Variants in SMARCC1 observed in about 807,000 individuals in gnomAD.
The protein encoded by SMARCC1 is SWI/SNF complex subunit SMARCC1.
In SMARCC1, 43 loss-of-function variants were observed where a neutral mutation model predicts 147.4. The ratio of observed to expected loss-of-function variants is 0.29; its 90% CI spans 0.23 to 0.38. SMARCC1 has a LOEUF of 0.38. Ranked by LOEUF, SMARCC1 falls within the 10% of genes least tolerant of loss-of-function variation. The probability of loss-of-function intolerance (pLI) is 1.00; values close to 1 mark genes in which losing one functional copy is unlikely to be tolerated. For synonymous variants in SMARCC1, 495 were observed against 484.4 expected, an observed-to-expected ratio of 1.02 and a Z score of -0.29; for missense variants, 1,119 against 1,381.1, an observed-to-expected ratio of 0.81 and a Z score of 3.01.
intron 27 of SMARCC1, among the ~76,000 whole-genome samples, chr3:47,588,713 C>G (rs1335681562): frequency 1.5e-4 from 18 of 120,450 alleles, no homozygotes; most frequent in Non-Finnish European, 2.2e-4. Context: ...GCCCCCCCCC[C>G]GCCCCCACAG....
chr3:47,646,886 GCCA>G (rs2033126740), intron 21 of SMARCC1, among the ~76,000 whole-genome samples: 1 of 152,090 alleles, frequency 6.6e-6, no homozygotes, highest in Non-Finnish European at 1.5e-5. Context: ...TCCAGAATAT[GCCA>G]CCTACCTTCA....
At chr3:47,688,589 C>G in intron 13 of SMARCC1, among the ~76,000 whole-genome samples, 1 of 152,032 alleles carries the variant, frequency 6.6e-6, no homozygotes, top group Non-Finnish European at 1.5e-5. Context: ...TAAATCCTAC[C>G]TTAAATCTAA....
At chr3:47,616,899 T>C (rs1196505075) in intron 25 of SMARCC1, among the ~76,000 whole-genome samples, 1 of 152,208 alleles carries the variant, frequency 6.6e-6, no homozygotes, top group Non-Finnish European at 1.5e-5. Context: ...CCAAACGTTC[T>C]ATTTAAAAAA....
intron 13 of SMARCC1, among the ~76,000 whole-genome samples, chr3:47,688,436 T>G (rs2033755183): frequency 6.6e-6 from 1 of 151,476 alleles, no homozygotes; most frequent in Non-Finnish European, 1.5e-5. Flanking sequence ...ATGATAAGGA[T>G]CATCTTAGGG....
At chr3:47,603,768 G>A (rs1001444758) in intron 26 of SMARCC1, 1 of 298,714 alleles carries the variant, frequency 3.3e-6, no homozygotes, top group African/African-American at 2.2e-5. Flanking sequence ...AAAACCTAAA[G>A]GTGGTCTAAG....
At chr3:47,679,292 T>G (rs1247932871) in intron 15 of SMARCC1, among the ~76,000 whole-genome samples, 1 of 151,898 alleles carries the variant, frequency 6.6e-6, no homozygotes, top group Non-Finnish European at 1.5e-5. Context: ...AGATATGTAC[T>G]TATATATAGG....
At chr3:47,766,082 G>A (rs886865070) in intron 2 of SMARCC1, among the ~76,000 whole-genome samples, 11 of 151,926 alleles carry the variant, frequency 7.2e-5, no homozygotes, top group Admixed American at 6.6e-4. Context: ...TGGGCATAAG[G>A]GTACATGTTC....
At chr3:47,674,725 A>G (rs2033547941) in intron 18 of SMARCC1, among the ~76,000 whole-genome samples, 1 of 152,098 alleles carries the variant, frequency 6.6e-6, no homozygotes, top group South Asian at 2.1e-4. Context: ...CTGGCCTCCC[A>G]AAGTGTTGAG....
intron 21 of SMARCC1, among the ~76,000 whole-genome samples, chr3:47,641,703 C>T (rs2033050017): frequency 6.6e-6 from 1 of 152,104 alleles, no homozygotes; most frequent in African/African-American, 2.4e-5. Context: ...AAAAATAAAA[C>T]TTGAATGTTA....
intron 26 of SMARCC1, among the ~76,000 whole-genome samples, chr3:47,605,642 G>A (rs1248572729): frequency 6.6e-6 from 1 of 152,148 alleles, no homozygotes; most frequent in Non-Finnish European, 1.5e-5. Context: ...GTGTCGTGGT[G>A]TGCACTTGTG....
chr3:47,631,489 A>T (rs1217549402), intron 24 of SMARCC1, among the ~76,000 whole-genome samples: 2 of 152,190 alleles, frequency 1.3e-5, no homozygotes, highest in African/African-American at 4.8e-5. Context: ...TTCTCCTCTA[A>T]GCCTAAAGAC....
chr3:47,588,502 T>C (rs2032115655), intron 27 of SMARCC1, among the ~76,000 whole-genome samples, 196 bp from the exon 28 acceptor site: 1 of 152,128 alleles, frequency 6.6e-6, no homozygotes, highest in Non-Finnish European at 1.5e-5. Flanking sequence ...TCAAGTTGCT[T>C]AGCCTAACCC....
At position 47,720,152 on chromosome 3, in the gene SMARCC1, C is replaced by A. The variant is rs2034213270; in HGVS notation, c.716+514G>T. On this transcript the variant is annotated intron_variant, in intron 7 of 27. Transcript: ENST00000254480. ...TTTTTGGTTTTTTTTGAGACGGAGT[C>A]TCACTCCGTTGCCCAGGCTGGAGGG... Among the ~76,000 whole-genome samples, 3 of 152,054 alleles carry A rather than the reference C, an allele frequency of 2.0e-5. No individual in the cohort carries two copies. The South Asian group carries it at 6.2e-4, about 31-fold the overall frequency.
intron 2 of SMARCC1, 116 bp downstream of exon 2, chr3:47,772,701 G>C: frequency 1.0e-6 from 1 of 978,414 alleles, no homozygotes; most frequent in Non-Finnish European, 1.5e-6. Flanking sequence ...TTTGTTTTTT[G>C]CTTTTTTTTT....
intron 12 of SMARCC1, 81 bp downstream of exon 12, chr3:47,693,160 C>T: frequency 2.3e-6 from 2 of 868,178 alleles, no homozygotes; most frequent in Non-Finnish European, 1.9e-6. Context: ...CAGAACAAGA[C>T]CTTGGAAGAA....
At chr3:47,647,488 T>C (rs2033133168) in intron 21 of SMARCC1, among the ~76,000 whole-genome samples, 1 of 152,224 alleles carries the variant, frequency 6.6e-6, no homozygotes, top group African/African-American at 2.4e-5. Flanking sequence ...TTTCAACTTA[T>C]AATGAGTTTA....
intron 2 of SMARCC1, among the ~76,000 whole-genome samples, chr3:47,750,865 A>C (rs2034620442): frequency 1.3e-5 from 2 of 151,724 alleles, no homozygotes; most frequent in African/African-American, 4.8e-5. Flanking sequence ...TTGAAAAATG[A>C]AATCATTACC....
chr3:47,665,512 C>T (rs1037865031), intron 19 of SMARCC1, among the ~76,000 whole-genome samples: 4 of 151,804 alleles, frequency 2.6e-5, no homozygotes, highest in African/African-American at 9.7e-5. Flanking sequence ...CGCCAGGGAA[C>T]AATAAGAAAG....
chr3:47,762,440 G>A (rs1321575248), intron 2 of SMARCC1, among the ~76,000 whole-genome samples: 2 of 152,144 alleles, frequency 1.3e-5, no homozygotes, highest in Admixed American at 6.6e-5. Context: ...ATACTTACTG[G>A]GAAGAAATTC....
Sources: allele counts gnomAD v4.1 joint callset (sites outside exome capture counted in the v4.1 genomes callset), GRCh38; gene constraint gnomAD v4.1.1; transcripts MANE v1.5; gene names NCBI Gene and HGNC (gene_info 2026-07-23, HGNC 2026-07-21).